TTC13: variants seen among roughly 807,000 people sequenced by gnomAD.
TTC13 encodes tetratricopeptide repeat domain 13.
A neutral mutation model predicts 120.0 loss-of-function variants in TTC13; 62 were observed. The ratio of observed to expected loss-of-function variants is 0.52; its 90% confidence interval spans 0.42 to 0.64. TTC13 has a LOEUF of 0.64. Among genes scored for constraint, TTC13 ranks in the 30% least tolerant of loss-of-function variants. The pLI is 0.00. For synonymous variants in TTC13, 384 were observed against 393.5 expected (o/e 0.98, Z 0.28); for missense variants, 824 against 1,050.2 (o/e 0.78, Z 2.98).
At position 230,939,514 on chromosome 1, in the gene TTC13, G is replaced by A. The variant is rs1213066655; in HGVS notation, c.790-18C>T. ...GCATAGTCCTACAAAAAGGAGAGTG[G>A]GGGGAAAAATAAAATAGTATTCATT... On this transcript the variant is annotated intron_variant, in intron 7 of 22. Transcript: ENST00000366661. 7 of 1,521,678 alleles carry A rather than the reference G, an allele frequency of 4.6e-6. No individual in the cohort carries two copies. The highest frequency in any genetic ancestry group is 6.3e-6 in the Non-Finnish European group (7 of 1,107,214). The allele number at this position is 1,521,678 out of a possible 1,614,324, so 94.3% of individuals were successfully genotyped here.
intron 15 of TTC13, among the ~76,000 whole-genome samples, 192 bp downstream of exon 15, chr1:230,923,649 G>C (rs565200490): frequency 4.6e-5 from 7 of 152,134 alleles, no homozygotes; most frequent in Non-Finnish European, 8.8e-5. Flanking sequence ...TATGGCATGC[G>C]CTATGTTTCT....
chr1:230,948,222 G>A (rs190538820), intron 4 of TTC13, among the ~76,000 whole-genome samples: 62 of 151,972 alleles, frequency 4.1e-4, no homozygotes, highest in African/African-American at 1.4e-3. Flanking sequence ...ACATACACAT[G>A]TGCACAATAT....
chr1:230,948,688 C>T (rs898972317), intron 4 of TTC13, among the ~76,000 whole-genome samples: 21 of 152,044 alleles, frequency 1.4e-4, no homozygotes, highest in African/African-American at 4.6e-4. Context: ...GGGGGTCTCA[C>T]TTTATTGCCC....
chr1:230,941,634 C>T (rs1341104074), intron 6 of TTC13, among the ~76,000 whole-genome samples: 1 of 152,102 alleles, frequency 6.6e-6, no homozygotes, highest in East Asian at 1.9e-4. Context: ...GTTATTTCTA[C>T]CGAATTTTAT....
chr1:230,941,922 T>C (rs997165627), intron 6 of TTC13, among the ~76,000 whole-genome samples: 3 of 152,144 alleles, frequency 2.0e-5, no homozygotes, highest in Non-Finnish European at 4.4e-5. Flanking sequence ...TCATCAAATA[T>C]AGAATATTTC....
chr1:230,929,536 G>C (rs1264612898), intron 11 of TTC13, among the ~76,000 whole-genome samples: 4 of 152,016 alleles, frequency 2.6e-5, no homozygotes, highest in Non-Finnish European at 5.9e-5. Flanking sequence ...GGATGGTCTC[G>C]ATCTCCTGAC....
At chr1:230,948,662 A>T (rs1406434394) in intron 4 of TTC13, among the ~76,000 whole-genome samples, 9 of 151,808 alleles carry the variant, frequency 5.9e-5, no homozygotes, top group Non-Finnish European at 1.0e-4. Context: ...TAATTTTAAA[A>T]TTTTTTTGTT....
chr1:230,955,543 T>C (rs36105723), intron 3 of TTC13, among the ~76,000 whole-genome samples: 8,731 of 147,850 alleles, frequency 0.059, 538 homozygotes, highest in East Asian at 0.37. Context: ...TGGTGGCGGG[T>C]GCCTGTAGTC....
At chr1:230,913,098 A>C (rs1429182169) in intron 18 of TTC13, among the ~76,000 whole-genome samples, 2 of 152,212 alleles carry the variant, frequency 1.3e-5, no homozygotes, top group East Asian at 3.8e-4. Flanking sequence ...ATATTTTCTA[A>C]GCCACCCCAT....
chr1:230,962,572 G>A (rs1034868860), intron 1 of TTC13, among the ~76,000 whole-genome samples: 1 of 152,146 alleles, frequency 6.6e-6, no homozygotes, highest in Non-Finnish European at 1.5e-5. Flanking sequence ...TCCATATGAT[G>A]CAGCAATTCT....
rs150199676 is a variant in TTC13, at chr1:230,966,034, T to C, written c.272-4731A>G. Among the ~76,000 whole-genome samples, 11 of 152,344 alleles carry C rather than the reference T, an allele frequency of 7.2e-5. No individual in the cohort carries two copies. The East Asian group carries it at 2.1e-3, about 29-fold the overall frequency. Reference sequence around the variant, plus strand: ...TTTTTAAAATAAATTTTTAGTTTTCTATAAGAAACTTTTGTTTCCACACTT... The same window carrying C: ...TTTTTAAAATAAATTTTTAGTTTTCCATAAGAAACTTTTGTTTCCACACTT... On this transcript the variant is annotated intron_variant, in intron 1 of 22. Transcript: ENST00000366661.
chr1:230,967,828 C>T (rs1011711922), intron 1 of TTC13, among the ~76,000 whole-genome samples: 16 of 152,164 alleles, frequency 1.1e-4, no homozygotes, highest in African/African-American at 3.6e-4. Context: ...ACCAGCTGTA[C>T]ATAAATAGTA....
chr1:230,915,905 C>CA (rs1391514580), intron 18 of TTC13, among the ~76,000 whole-genome samples: 3 of 150,066 alleles, frequency 2.0e-5, no homozygotes, highest in Non-Finnish European at 4.4e-5. Flanking sequence ...CCTCCCTCGC[C>CA]CCCCCAAGGA....
chr1:230,925,604 G>A lies in TTC13; in HGVS notation c.1501C>T (p.Gln501Ter). Residue 501 changes from glutamine (Q) to a stop codon, truncating the protein, a stop_gained, in exon 13 of 23, where the codon CAG (glutamine) becomes TAG (stop). Transcript: ENST00000366661. LOFTEE classifies it high-confidence loss of function. ...QNFESYKPEV[Q>*]ELICVADRLG... ...CGATCAGCCACACAAATCAGCTCCT[G>A]TACTTCAGGCTTATAACTCTCAAAA... 1 of 1,614,042 alleles carries A rather than the reference G, an allele frequency of 6.2e-7. No homozygotes were observed. The highest frequency in any genetic ancestry group is 8.5e-7 in the Non-Finnish European group (1 of 1,179,932).
Position 230,911,566 on chromosome 1 carries a change from C to G in TTC13, c.2230-17G>C, listed in dbSNP as rs200451989. The G allele has an allele frequency of 1.9e-5, 3 of 161,176 alleles. No individual in the cohort carries two copies. The highest frequency in any genetic ancestry group is 2.7e-5 in the Non-Finnish European group (3 of 110,048). The allele number at this position is 161,176 out of a possible 1,614,324, so 10.0% of individuals were successfully genotyped here. On this transcript the variant is annotated splice_polypyrimidine_tract_variant and intron_variant, in intron 19 of 22. Transcript: ENST00000366661. ...ATCAGCCTCCTAGAAAAAAAAGATA[C>G]AGACTCATAAATACTATAAAGATTA...
chr1:230,932,296 ATT>A (rs34062590), intron 9 of TTC13, among the ~76,000 whole-genome samples: 11,495 of 146,602 alleles, frequency 0.078, 460 homozygotes, highest in African/African-American at 0.11. Context: ...TTAAAAATGC[ATT>A]TTTTTTTTTT....
intron 11 of TTC13, among the ~76,000 whole-genome samples, chr1:230,929,714 C>T (rs1673374936): frequency 6.6e-6 from 1 of 152,172 alleles, no homozygotes; most frequent in Non-Finnish European, 1.5e-5. Flanking sequence ...TCAGATAGAG[C>T]CTGGTACTCT....
intron 18 of TTC13, 32 bp from the exon 19 acceptor site, chr1:230,912,790 G>C: frequency 1.3e-6 from 2 of 1,585,564 alleles, no homozygotes; most frequent in Non-Finnish European, 1.7e-6. Context: ...TGAAAGGCAT[G>C]TATTATAAGT....
chr1:230,972,265 A>G (rs1677842374), intron 1 of TTC13, among the ~76,000 whole-genome samples: 1 of 152,232 alleles, frequency 6.6e-6, no homozygotes, highest in African/African-American at 2.4e-5. Flanking sequence ...AATCTTAAAA[A>G]CAGACAGCTA....
Sources: gnomAD v4.1 joint callset for allele counts (sites outside exome capture counted in the v4.1 genomes callset) on GRCh38, gnomAD v4.1.1 for gene constraint, MANE v1.5 for transcripts, NCBI Gene and HGNC (gene_info 2026-07-23, HGNC 2026-07-21) for gene names.